AGMO: variants seen among roughly 807,000 people sequenced by gnomAD.
The protein encoded by AGMO is glyceryl-ether monooxygenase.
A neutral mutation model predicts 60.2 loss-of-function variants in AGMO; 75 were observed. The ratio of observed to expected loss-of-function variants is 1.25; its 90% CI spans 1.03 to 1.51. The LOEUF (loss-of-function observed/expected upper bound fraction) is 1.51, where lower values mean the gene tolerates loss of function less well. Among genes scored for constraint, AGMO ranks in the 40% most tolerant of loss-of-function variants. The probability of loss-of-function intolerance (pLI) is 0.00; values close to 1 mark genes in which losing one functional copy is unlikely to be tolerated. For missense variants in AGMO, 763 were observed against 525.5 expected, an observed-to-expected ratio of 1.45 and a Z score of -4.42; for synonymous variants, 261 against 177.1, an observed-to-expected ratio of 1.47 and a Z score of -3.76.
chr7:15,363,800 GGT>G (rs1782856863), intron 12 of AGMO, among the ~76,000 whole-genome samples: 1 of 151,724 alleles, frequency 6.6e-6, no homozygotes, highest in African/African-American at 2.4e-5. Flanking sequence ...ATTTCCTTCT[GGT>G]GTGTGTAAGA....
intron 12 of AGMO, among the ~76,000 whole-genome samples, chr7:15,270,243 T>A (rs898717183): frequency 3.9e-5 from 6 of 152,128 alleles, no homozygotes; most frequent in Non-Finnish European, 8.8e-5. Flanking sequence ...GTAAAAGGGT[T>A]CCCTTTTCTC....
At chr7:15,272,491 GGT>G (rs548969201) in intron 12 of AGMO, among the ~76,000 whole-genome samples, 1 of 152,008 alleles carries the variant, frequency 6.6e-6, no homozygotes, top group Admixed American at 6.5e-5. Context: ...AGTATTCCAT[GGT>G]GTATATGTGC....
Position 15,213,155 on chromosome 7 carries a change from T to C in AGMO, c.1264-11796A>G, listed in dbSNP as rs113245072. 3.5e-3 allele frequency among the ~76,000 whole-genome samples: 530 copies of C among 151,950 alleles called. 1 individual carries two copies. Among genetic ancestry groups the C allele is most frequent in the African/African-American group, 0.01 (436 of 41,542 alleles). ...ATAAAACAAGTATAAATAAAAATTCTATTTTTTTTTCCAACTCAATGGATC... is the reference window on the plus strand; with the variant it reads ...ATAAAACAAGTATAAATAAAAATTCCATTTTTTTTTCCAACTCAATGGATC... On this transcript the variant is annotated intron_variant, in intron 12 of 12. Coordinates refer to ENST00000342526, the MANE Select transcript of AGMO (RefSeq NM_001004320.2).
intron 3 of AGMO, among the ~76,000 whole-genome samples, chr7:15,434,227 T>G (rs1360005045): frequency 6.6e-6 from 1 of 152,104 alleles, no homozygotes; most frequent in African/African-American, 2.4e-5. Context: ...GAGTGTCTTT[T>G]GAATGTGGGA....
intron 12 of AGMO, among the ~76,000 whole-genome samples, chr7:15,279,342 C>T (rs1783895955): frequency 6.6e-6 from 1 of 152,146 alleles, no homozygotes; most frequent in South Asian, 2.1e-4. Context: ...TGATGAATTC[C>T]AGCATGCTCT....
chr7:15,185,226 G>T, the AGMO span, among the ~76,000 whole-genome samples: 3 of 151,704 alleles, frequency 2.0e-5, no homozygotes, highest in East Asian at 3.9e-4. Context: ...GTTAAATATT[G>T]ATTTTAACTA....
intron 5 of AGMO, among the ~76,000 whole-genome samples, chr7:15,406,021 G>A (rs553356171): frequency 6.6e-6 from 1 of 151,674 alleles, no homozygotes; most frequent in African/African-American, 2.4e-5. Context: ...TTTCACAACA[G>A]ACATTTTTTA....
the AGMO span, among the ~76,000 whole-genome samples, chr7:15,176,604 T>C: frequency 1.3e-5 from 2 of 152,056 alleles, no homozygotes; most frequent in South Asian, 4.1e-4. Context: ...GATATACTTA[T>C]GCATTGTATA....
At chr7:15,561,113 G>T (rs1236714903) in intron 1 of AGMO, among the ~76,000 whole-genome samples, 1 of 152,038 alleles carries the variant, frequency 6.6e-6, no homozygotes, top group Non-Finnish European at 1.5e-5. Context: ...AGTGTTGTAG[G>T]AATAACTTTG....
In AGMO at chr7:15,531,167, A is replaced by G. The variant is rs867950964; in HGVS notation, c.409+13605T>C. Among the ~76,000 whole-genome samples the G allele has an allele frequency of 1.3e-4, 8 of 62,584 alleles. No homozygotes were observed. The South Asian group carries it at 4.1e-3, about 32-fold the overall frequency. 41.1% of individuals were successfully genotyped at this position (62,584 alleles called of 152,430 possible). ...TATATATTCTATATATATTCTATAT[A>G]TATATTCTATATATTCTATATATAT... On this transcript the variant is annotated intron_variant, in intron 3 of 12. Transcript: ENST00000342526.
chr7:15,406,559 T>TACACACACACACACAC, intron 5 of AGMO, among the ~76,000 whole-genome samples: 1 of 65,956 alleles, frequency 1.5e-5, no homozygotes, highest in African/African-American at 6.8e-5. Context: ...TTGTTTGGAA[T>TACACACACACACACAC]ACACACACAC....
chr7:15,365,706 T>G (rs559173383), intron 11 of AGMO, 87 bp from the exon 12 acceptor site: 8 of 876,610 alleles, frequency 9.1e-6, no homozygotes, highest in Non-Finnish European at 1.2e-5. Context: ...CTTCTCATTC[T>G]CAAGAAATAC....
At chr7:15,502,012 A>G (rs1333625028) in intron 3 of AGMO, among the ~76,000 whole-genome samples, 1 of 152,038 alleles carries the variant, frequency 6.6e-6, no homozygotes, top group Admixed American at 6.6e-5. Context: ...GGCAGTATGC[A>G]CTCTCAAGTC....
At chr7:15,559,922 T>G (rs1785256657) in intron 2 of AGMO, among the ~76,000 whole-genome samples, 1 of 152,060 alleles carries the variant, frequency 6.6e-6, no homozygotes, top group Non-Finnish European at 1.5e-5. Flanking sequence ...CAAAGGGATA[T>G]CAACAGAGTC....
At chr7:15,350,354 T>C (rs1309192473) in intron 12 of AGMO, among the ~76,000 whole-genome samples, 2 of 152,132 alleles carry the variant, frequency 1.3e-5, no homozygotes, top group African/African-American at 4.8e-5. Flanking sequence ...ATAAATTGTA[T>C]AAAAAATCCA....
intron 12 of AGMO, among the ~76,000 whole-genome samples, chr7:15,324,288 G>T (rs569349469): frequency 1.4e-4 from 21 of 152,234 alleles, no homozygotes; most frequent in Middle Eastern, 3.4e-3. Flanking sequence ...ACTTTTAGAC[G>T]TTGGTATCAG....
intron 3 of AGMO, among the ~76,000 whole-genome samples, chr7:15,496,755 T>C (rs894243164): frequency 2.0e-5 from 3 of 152,202 alleles, no homozygotes; most frequent in African/African-American, 7.2e-5. Context: ...ATACATGTTT[T>C]TAAAAATCTT....
chr7:15,135,212 C>T, the AGMO span, among the ~76,000 whole-genome samples: 4 of 150,250 alleles, frequency 2.7e-5, no homozygotes, highest in Admixed American at 6.7e-5. Context: ...GTGGCATATA[C>T]GTGTGCCTAT....
intron 12 of AGMO, among the ~76,000 whole-genome samples, chr7:15,206,645 A>C (rs1429064488): frequency 1.3e-5 from 2 of 152,162 alleles, no homozygotes; most frequent in African/African-American, 4.8e-5. Flanking sequence ...ACATCACCTT[A>C]TTGAAAAGAA....
Sources: gnomAD v4.1 joint callset for allele counts (sites outside exome capture counted in the v4.1 genomes callset) on GRCh38, gnomAD v4.1.1 for gene constraint, MANE v1.5 for transcripts, NCBI Gene and HGNC (gene_info 2026-07-23, HGNC 2026-07-21) for gene names.